The following ANAPC10 variants were observed in gnomAD, a reference collection of about 807,000 sequenced individuals.
ANAPC10 encodes the protein anaphase-promoting complex subunit 10.
In ANAPC10, 12 loss-of-function variants were observed where a neutral mutation model predicts 22.0. The ratio of observed to expected loss-of-function variants is 0.55; its 90% CI spans 0.35 to 0.88. The LOEUF (loss-of-function observed/expected upper bound fraction) is 0.88, where lower values mean the gene tolerates loss of function less well. Among genes scored for constraint, ANAPC10 ranks in the 40% least tolerant of loss-of-function variants. The probability of loss-of-function intolerance (pLI) is 0.01; values close to 1 mark genes in which losing one functional copy is unlikely to be tolerated. For synonymous variants in ANAPC10, 65 were observed against 69.5 expected, an observed-to-expected ratio of 0.94 and a Z score of 0.32; for missense variants, 188 against 220.9, an observed-to-expected ratio of 0.85 and a Z score of 0.94.
intron 4 of ANAPC10, among the ~76,000 whole-genome samples, chr4:145,054,389 A>G (rs1741610928): frequency 6.9e-6 from 1 of 145,490 alleles, no homozygotes; most frequent in Non-Finnish European, 1.5e-5. Context: ...GTCTCTACTA[A>G]AAAAAAAATA....
intron 4 of ANAPC10, among the ~76,000 whole-genome samples, chr4:145,062,592 G>A (rs1217887011): frequency 6.6e-6 from 1 of 151,858 alleles, no homozygotes; most frequent in African/African-American, 2.4e-5. Context: ...GGGTGACAGA[G>A]TAAGACTCCG....
chr4:145,035,972 T>A (rs1447732158), intron 4 of ANAPC10, among the ~76,000 whole-genome samples: 2 of 152,162 alleles, frequency 1.3e-5, no homozygotes, highest in African/African-American at 4.8e-5. Flanking sequence ...AACTGAGAGT[T>A]ACGTATTGCT....
intron 1 of ANAPC10, among the ~76,000 whole-genome samples, chr4:145,096,338 A>C (rs1415450613): frequency 6.6e-6 from 1 of 152,158 alleles, no homozygotes; most frequent in Non-Finnish European, 1.5e-5. Context: ...CAGGAGGATC[A>C]TGTGAGCCCA....
At chr4:145,067,587 A>G (rs908356289) in intron 3 of ANAPC10, among the ~76,000 whole-genome samples, 1 of 152,192 alleles carries the variant, frequency 6.6e-6, no homozygotes, top group Non-Finnish European at 1.5e-5. Flanking sequence ...CTAAGGTTCA[A>G]TATTAGGAAA....
At chr4:145,072,153 C>G (rs1744581320) in intron 3 of ANAPC10, among the ~76,000 whole-genome samples, 1 of 152,160 alleles carries the variant, frequency 6.6e-6, no homozygotes, top group South Asian at 2.1e-4. Flanking sequence ...GAACTGAACA[C>G]TTCTATTTCT....
intron 3 of ANAPC10, among the ~76,000 whole-genome samples, chr4:145,073,928 C>T (rs906507402): frequency 5.9e-5 from 9 of 151,808 alleles, no homozygotes; most frequent in African/African-American, 2.2e-4. Context: ...ACAAATTTTG[C>T]TTTGTTCCTA....
intron 4 of ANAPC10, among the ~76,000 whole-genome samples, chr4:145,041,754 T>C (rs530229058): frequency 2.2e-4 from 34 of 152,314 alleles, no homozygotes; most frequent in South Asian, 1.2e-3. Flanking sequence ...TAATAACTGG[T>C]TCCAGATATA....
intron 2 of ANAPC10, among the ~76,000 whole-genome samples, chr4:145,091,337 C>T (rs1747651573): frequency 6.6e-6 from 1 of 152,108 alleles, no homozygotes; most frequent in Non-Finnish European, 1.5e-5. Flanking sequence ...GTAAACTTTA[C>T]CAAAGGAGTT....
At chr4:145,059,350 G>T (rs771502839) in intron 4 of ANAPC10, among the ~76,000 whole-genome samples, 1 of 152,048 alleles carries the variant, frequency 6.6e-6, no homozygotes, top group Non-Finnish European at 1.5e-5. Context: ...AGTAGAGAGC[G>T]AAAGGCCACA....
At chr4:145,047,324 GT>G (rs1256068873) in intron 4 of ANAPC10, among the ~76,000 whole-genome samples, 5 of 152,034 alleles carry the variant, frequency 3.3e-5, no homozygotes, top group Admixed American at 6.6e-5. Flanking sequence ...CAGATTGCAG[GT>G]TATGAAACAG....
chr4:145,065,801 T>TA (rs1331313605), intron 3 of ANAPC10, among the ~76,000 whole-genome samples: 2 of 151,994 alleles, frequency 1.3e-5, no homozygotes. Flanking sequence ...AACAATTTTT[T>TA]AAAGGCATGT....
intron 2 of ANAPC10, among the ~76,000 whole-genome samples, chr4:145,090,584 T>G (rs977974957): frequency 6.6e-6 from 1 of 152,246 alleles, no homozygotes; most frequent in Non-Finnish European, 1.5e-5. Context: ...GGAGTCTGTC[T>G]TGAATTCCAG....
chr4:145,027,936 C>T (rs942977942), intron 4 of ANAPC10, among the ~76,000 whole-genome samples: 1 of 152,000 alleles, frequency 6.6e-6, no homozygotes, highest in African/African-American at 2.4e-5. Context: ...AAGGAAATTC[C>T]CAGGATGATC....
At chr4:145,087,423 C>A (rs1747057682) in intron 2 of ANAPC10, among the ~76,000 whole-genome samples, 1 of 151,904 alleles carries the variant, frequency 6.6e-6, no homozygotes, top group African/African-American at 2.4e-5. Context: ...GTGGTACGAT[C>A]ACAGCTCACT....
At position 145,096,089 on chromosome 4, in the gene ANAPC10, G is replaced by A; in HGVS notation, c.11C>T (p.Pro4Leu). The change falls in exon 2 of 5, where the codon CCA becomes CTA. Residue 4 changes from proline (P) to leucine (L), a missense_variant. Physicochemically the swap from Pro to Leu is moderately conservative, Grantham distance 98 (BLOSUM62 -3). Transcript: ENST00000507656. ...GTCAGCACCAGGAGGTGTCTTGTTT[G>A]GTGTAGTCATTTTTAAAATATTCTA... MTTPNKTPPGADPK... is the reference protein window; with the variant it reads MTTLNKTPPGADPK... 1 of 1,613,740 alleles carries A rather than the reference G, an allele frequency of 6.2e-7. No individual in the cohort carries two copies. The highest frequency in any genetic ancestry group is 8.5e-7 in the Non-Finnish European group (1 of 1,179,932).
intron 2 of ANAPC10, among the ~76,000 whole-genome samples, chr4:145,084,401 G>A (rs1200250690): frequency 6.6e-6 from 1 of 152,140 alleles, no homozygotes; most frequent in Non-Finnish European, 1.5e-5. Context: ...ACAACAGTGG[G>A]TCCTTTGAGA....
intron 4 of ANAPC10, among the ~76,000 whole-genome samples, chr4:145,007,953 A>C (rs543441946): frequency 6.6e-6 from 1 of 152,288 alleles, no homozygotes; most frequent in Admixed American, 6.5e-5. Flanking sequence ...ACTAATAAAG[A>C]AGAAAAGAGA....
intron 1 of ANAPC10, chr4:145,097,335 C>G: frequency 2.0e-6 from 1 of 494,346 alleles, no homozygotes; most frequent in Non-Finnish European, 3.4e-6. Flanking sequence ...TTGACCTCAT[C>G]TTTCACATCT....
At chr4:145,091,526 C>CG (rs1288109061) in intron 2 of ANAPC10, among the ~76,000 whole-genome samples, 10 of 151,932 alleles carry the variant, frequency 6.6e-5, no homozygotes, top group Non-Finnish European at 1.0e-4. Context: ...TTTTAAAAAA[C>CG]GGGGGGAGGG....
Sources: allele counts gnomAD v4.1 joint callset (sites outside exome capture counted in the v4.1 genomes callset), GRCh38; gene constraint gnomAD v4.1.1; transcripts MANE v1.5; gene names NCBI Gene and HGNC (gene_info 2026-07-23, HGNC 2026-07-21).